GSE1: variants seen among roughly 807,000 people sequenced by gnomAD.
GSE1 encodes the protein genetic suppressor element 1.
In GSE1, 32 loss-of-function variants were observed where a neutral mutation model predicts 112.6. The observed-to-expected ratio is 0.28, with a 90% CI of 0.21 to 0.38. GSE1 has a LOEUF of 0.38. Ranked by LOEUF, GSE1 falls within the 10% of genes least tolerant of loss-of-function variation. GSE1 has a pLI of 1.00. For missense variants in GSE1, 2,348 were observed against 1,699.2 expected, an observed-to-expected ratio of 1.38 and a Z score of -6.71; for synonymous variants, 1,115 against 735.6, an observed-to-expected ratio of 1.52 and a Z score of -8.35.
intron 1 of GSE1, among the ~76,000 whole-genome samples, chr16:85,246,012 CGTGT>C (rs562495577): frequency 6.7e-6 from 1 of 148,980 alleles, no homozygotes; most frequent in Admixed American, 6.7e-5. Context: ...GGGGTGTGTG[CGTGT>C]GTGTGTGTTG....
intron 1 of GSE1, among the ~76,000 whole-genome samples, chr16:85,178,742 G>A (rs931400541): frequency 3.9e-5 from 6 of 151,950 alleles, no homozygotes; most frequent in African/African-American, 1.5e-4. Context: ...ACCAGGCAGG[G>A]TCTTGGGGGC....
At position 85,311,982 on chromosome 16, in the gene GSE1, C is replaced by T. The variant is rs141328073; in HGVS notation, c.2284-45481C>T. Among the ~76,000 whole-genome samples the T allele has an allele frequency of 4.4e-3, 664 of 152,292 alleles. 4 individuals are homozygous for T. The highest frequency in any genetic ancestry group is 0.015 in the African/African-American group (621 of 41,546). ...CTGTCCTCATGTCTGGAGATGTGGG[C>T]GGTGTCCGTGCACACTGCTGGAGCA... On this transcript the variant is annotated intron_variant, in intron 1 of 2. Coordinates refer to the GSE1 transcript ENST00000637419. The surrounding 1 kb of genome is among the most constrained non-coding windows in gnomAD (Gnocchi z 4.2).
chr16:85,579,054 A>G (rs1195443759), intron 1 of GSE1, among the ~76,000 whole-genome samples: 1 of 152,182 alleles, frequency 6.6e-6, no homozygotes, highest in African/African-American at 2.4e-5. Flanking sequence ...AAAAGCTAGC[A>G]TCTTGGGATT....
intron 1 of GSE1, among the ~76,000 whole-genome samples, chr16:85,272,257 C>T (rs991751956): frequency 2.0e-5 from 3 of 152,252 alleles, no homozygotes; most frequent in African/African-American, 7.2e-5. Flanking sequence ...TGGCCGTGCT[C>T]TGCAAGGGCT....
chr16:85,437,076 GC>G (rs1050273298), intron 2 of GSE1, among the ~76,000 whole-genome samples: 1 of 152,248 alleles, frequency 6.6e-6, no homozygotes, highest in Non-Finnish European at 1.5e-5. Context: ...GGCGCAGCCG[GC>G]CGGTCTCACA....
chr16:85,266,137 C>T (rs569364373), intron 1 of GSE1, among the ~76,000 whole-genome samples: 1 of 152,218 alleles, frequency 6.6e-6, no homozygotes, highest in South Asian at 2.1e-4. Flanking sequence ...GGGAGCGCCC[C>T]ACCCCACCCA....
intron 2 of GSE1, among the ~76,000 whole-genome samples, chr16:85,368,064 G>A (rs2047221738): frequency 6.6e-6 from 1 of 152,020 alleles, no homozygotes; most frequent in African/African-American, 2.4e-5. Context: ...ATGTTGGTCG[G>A]GCTGGTCTCG....
chr16:85,496,496 G>A (rs60089100), intron 2 of GSE1, among the ~76,000 whole-genome samples: 6,459 of 152,296 alleles, frequency 0.042, 466 homozygotes, highest in African/African-American at 0.15. Context: ...CGGGCAGCCC[G>A]GGTGGCCTCG....
intron 1 of GSE1, among the ~76,000 whole-genome samples, chr16:85,329,388 T>G (rs1336800825): frequency 1.3e-5 from 2 of 151,956 alleles, no homozygotes; most frequent in African/African-American, 4.8e-5. Context: ...CGGGTGTGAG[T>G]CAGCCACTTC....
intron 1 of GSE1, among the ~76,000 whole-genome samples, chr16:85,288,165 G>A (rs926786372): frequency 2.0e-5 from 3 of 152,104 alleles, no homozygotes; most frequent in African/African-American, 7.2e-5. Flanking sequence ...GTTTGACCCC[G>A]GGAGGCGGAG....
In GSE1 at chr16:85,656,486, A is replaced by G; in HGVS notation, c.1133A>G (p.Glu378Gly). ...GAGCAAGAGAAGGAGCGTGAGCGTG[A>G]GAAGGAGCGCGAGCGCGAGCTGGAG... ...EREQEKERER[E>G]KERERELERQ... Residue 378 changes from glutamate (E) to glycine (G), a missense_variant, in exon 7 of 16, where the codon GAG becomes GGG. Physicochemically the swap from Glu to Gly is moderately conservative, Grantham distance 98. Transcript: ENST00000253458. 6.5e-7 allele frequency: 1 copy of G among 1,544,106 alleles called. No homozygotes were observed. The highest frequency in any genetic ancestry group is 8.8e-7 in the Non-Finnish European group (1 of 1,142,052).
intron 1 of GSE1, among the ~76,000 whole-genome samples, chr16:85,318,936 T>G (rs943973077): frequency 7.2e-5 from 11 of 152,212 alleles, no homozygotes; most frequent in African/African-American, 2.7e-4. Context: ...AGGCAGTGTT[T>G]AAGGCGGAGT....
At chr16:85,295,162 C>T (rs1219863398) in intron 1 of GSE1, among the ~76,000 whole-genome samples, 1 of 152,172 alleles carries the variant, frequency 6.6e-6, no homozygotes, top group African/African-American at 2.4e-5. Context: ...AAGGAAACCC[C>T]ACACTCACCC....
intron 2 of GSE1, among the ~76,000 whole-genome samples, chr16:85,446,064 T>G (rs909426613): frequency 6.6e-6 from 1 of 152,186 alleles, no homozygotes; most frequent in Non-Finnish European, 1.5e-5. Flanking sequence ...CTGTAAACAT[T>G]AGCTGCTGGT....
chr16:85,369,022 G>A (rs747085715), intron 2 of GSE1, among the ~76,000 whole-genome samples: 2 of 152,166 alleles, frequency 1.3e-5, no homozygotes, highest in African/African-American at 2.4e-5. Context: ...AGAAGTCACC[G>A]TGGACTTGGT....
chr16:85,299,570 A>T (rs2045460168), intron 1 of GSE1, among the ~76,000 whole-genome samples: 1 of 152,214 alleles, frequency 6.6e-6, no homozygotes, highest in African/African-American at 2.4e-5. Context: ...AGCATGTCAC[A>T]CCTGAGCCCT....
At chr16:85,339,062 G>A (rs935455078) in intron 1 of GSE1, among the ~76,000 whole-genome samples, 5 of 152,222 alleles carry the variant, frequency 3.3e-5, no homozygotes, top group African/African-American at 1.2e-4. Context: ...TCATGGGCAG[G>A]TGGATGCCCC....
At chr16:85,318,043 C>T (rs541553042) in intron 1 of GSE1, among the ~76,000 whole-genome samples, 1 of 152,294 alleles carries the variant, frequency 6.6e-6, no homozygotes, top group South Asian at 2.1e-4. Flanking sequence ...AGGACAAGGC[C>T]ACGTTTGAAC....
chr16:85,180,198 C>T (rs1211662130), intron 1 of GSE1, among the ~76,000 whole-genome samples: 3 of 151,856 alleles, frequency 2.0e-5, no homozygotes, highest in African/African-American at 2.4e-5. Context: ...GGGCTTCCCG[C>T]GAGAGGTGCA....
Sources: gnomAD v4.1 joint callset for allele counts (sites outside exome capture counted in the v4.1 genomes callset) on GRCh38, gnomAD v4.1.1 for gene constraint, Gnocchi (gnomAD v3.1) non-coding constraint, MANE v1.5 for transcripts, NCBI Gene and HGNC (gene_info 2026-07-23, HGNC 2026-07-21) for gene names.